Variants in ARR3 observed in about 807,000 individuals in gnomAD.
ARR3 encodes the protein arrestin 3.
A neutral mutation model predicts 35.4 loss-of-function variants in ARR3; 14 were observed. That is an observed-to-expected ratio of 0.40 (90% CI 0.26 to 0.62). The LOEUF (loss-of-function observed/expected upper bound fraction) is 0.62. ARR3 is among the 20% of genes least tolerant of loss of function. The pLI is 0.46. For missense variants in ARR3, 259 were observed against 303.8 expected (o/e 0.85, Z 1.10); for synonymous variants, 97 against 119.1 (o/e 0.81, Z 1.21).
rs1555941129 is a variant in ARR3, at chrX:70,276,234, C to T, written c.298C>T (p.Arg100Ter). Reference protein sequence around the residue: ...PQGPLTVLQERLLHKLGDNAY... With the variant: ...PQGPLTVLQE Reference sequence around the variant, plus strand: ...GGGGCCCCTCACAGTCCTACAGGAGCGACTACTGCACAAGCTAGGGGACAA... The same window carrying T: ...GGGGCCCCTCACAGTCCTACAGGAGTGACTACTGCACAAGCTAGGGGACAA... The change falls in exon 6 of 17, where the codon CGA becomes TGA. Residue 100 changes from arginine to a stop codon, truncating the protein, a stop_gained. Transcript: ENST00000307959. LOFTEE classifies it high-confidence loss of function. 7 of 1,211,734 alleles carry T rather than the reference C, an allele frequency of 5.8e-6. No homozygotes were observed. The highest frequency in any genetic ancestry group is 7.8e-6 in the Non-Finnish European group (7 of 895,499).
Position 70,278,139 on chromosome X carries a change from G to A in ARR3, c.767+1G>A. 5 of 1,207,737 alleles carry A rather than the reference G, an allele frequency of 4.1e-6. No individual in the cohort carries two copies. The highest frequency in any genetic ancestry group is 4.5e-6 in the Non-Finnish European group (4 of 893,196). On this transcript the variant is annotated splice_donor_variant, in intron 11 of 16. Coordinates refer to ENST00000307959, the MANE Select transcript of ARR3 (RefSeq NM_004312.3). LOFTEE classifies it high-confidence loss of function. ...AGACTGTGTTCATTCAGGAATTCAC[G>A]TGAGCTGGTGCTGGGGCTAGGACCA...
At chrX:70,276,814 GC>G in intron 8 of ARR3, 78 bp downstream of exon 8, 1 of 944,151 alleles carries the variant, frequency 1.1e-6, no homozygotes, top group African/African-American at 1.9e-5. Flanking sequence ...GACAGAAATA[GC>G]CCCACTTCTA....
intron 11 of ARR3, 64 bp from the exon 12 acceptor site, chrX:70,278,440 G>C: frequency 8.8e-7 from 1 of 1,138,776 alleles, no homozygotes; most frequent in Non-Finnish European, 1.2e-6. Context: ...AGATACTCTT[G>C]GGAGTAAAAG....
intron 5 of ARR3, among the ~76,000 whole-genome samples, chrX:70,274,199 CT>C (rs200481457): frequency 0.11 from 10,222 of 90,622 alleles, 626 homozygotes; most frequent in Non-Finnish European, 0.16. Flanking sequence ...TGTTCAGTAG[CT>C]TTTTTTTTTT....
At chrX:70,269,423 G>C in intron 2 of ARR3, 30 bp downstream of exon 2, 4 of 1,157,030 alleles carry the variant, frequency 3.5e-6, no homozygotes, top group Non-Finnish European at 4.7e-6. Flanking sequence ...CTCTGAACCT[G>C]TGAATTGCTC....
intron 13 of ARR3, 68 bp from the exon 14 acceptor site, chrX:70,280,491 C>T: frequency 9.0e-7 from 1 of 1,115,634 alleles, no homozygotes; most frequent in Non-Finnish European, 1.2e-6. Context: ...ATCCCTCATC[C>T]CCTTGTGAAA....
chrX:70,281,104 G>C lies in ARR3; in HGVS notation c.1072G>C (p.Ala358Pro). ...CGTCTCCATGCTTGCTACAGAGGCC[G>C]CTAGGTAATGGAATACAAGATTGGG... ...LIHPKPSHEAASSEDIVIEEF... is the reference protein window; with the variant it reads ...LIHPKPSHEAPSSEDIVIEEF... The change falls in exon 16 of 17, where the codon GCT becomes CCT. Residue 358 changes from alanine to proline, a missense_variant. Physicochemically the swap from Ala to Pro is conservative, Grantham distance 27 (BLOSUM62 -1). Transcript: ENST00000307959. 1 of 1,209,250 alleles carries C rather than the reference G, an allele frequency of 8.3e-7. No homozygotes were observed.
chrX:70,274,466 G>T (rs183454768), intron 5 of ARR3, among the ~76,000 whole-genome samples: 68 of 112,307 alleles, frequency 6.1e-4, no homozygotes, highest in African/African-American at 1.8e-3. Context: ...CTCCCAAAGA[G>T]CTGGGATTAC....
intron 6 of ARR3, 54 bp from the exon 7 acceptor site, chrX:70,276,379 G>A (rs1380568223): frequency 6.5e-5 from 77 of 1,188,609 alleles, no homozygotes; most frequent in Middle Eastern, 2.4e-4. Flanking sequence ...CATTTCTTTT[G>A]TATTTGTTTG....
At chrX:70,273,261 G>A (rs932167940) in intron 5 of ARR3, among the ~76,000 whole-genome samples, 4 of 78,170 alleles carry the variant, frequency 5.1e-5, no homozygotes, top group African/African-American at 1.0e-4. Context: ...TTGCTCTGTC[G>A]CCCAGGCTGG....
intron 16 of ARR3, 139 bp downstream of exon 16, chrX:70,281,247 G>C (rs1489165196): frequency 1.3e-5 from 10 of 771,203 alleles, no homozygotes; most frequent in Non-Finnish European, 1.9e-5. Flanking sequence ...TTAGCTTCGT[G>C]TCACAGTTCG....
In ARR3 at chrX:70,276,727, T is replaced by C; in HGVS notation, c.464T>C (p.Val155Ala). 1 of 1,209,753 alleles carries C rather than the reference T, an allele frequency of 8.3e-7. No individual in the cohort carries two copies. The highest frequency in any genetic ancestry group is 1.1e-6 in the Non-Finnish European group (1 of 894,044). ...SFCAENPEET[V>A]SKRDYVRLVV... ...TGTGCTGAAAACCCAGAGGAGACAGTCTCCAAGAGGTATTCTTTGGTTGTC... is the reference window on the plus strand; with the variant it reads ...TGTGCTGAAAACCCAGAGGAGACAGCCTCCAAGAGGTATTCTTTGGTTGTC... Residue 155 changes from valine to alanine, a missense_variant, in exon 8 of 17, where the codon GTC (valine) becomes GCC (alanine). By Grantham distance (64) the Val-to-Ala change is moderately conservative. Transcript: ENST00000307959.
At chrX:70,276,565 A>G in intron 7 of ARR3, 73 bp downstream of exon 7, 1 of 1,170,602 alleles carries the variant, frequency 8.5e-7, no homozygotes, top group South Asian at 1.8e-5. Flanking sequence ...TCAAGACTGG[A>G]GAAATGGACA....
In ARR3 at chrX:70,276,150, C is replaced by A; in HGVS notation, c.214C>A (p.Arg72=). ...DDLEVIGLTF[R]KDLYVQTLQV... is the part of the protein sequence containing the mutation. ...CTTGGAAGTGATTGGTCTGACGTTC[C>A]GAAAAGATCTGTATGTGCAGACCCT... is the stretch of plus-strand genomic sequence containing the variant. The change falls in exon 6 of 17, where the codon CGA becomes AGA. Residue 72 remains arginine, a synonymous_variant. Transcript: ENST00000307959. The A allele has an allele frequency of 8.3e-7, 1 of 1,211,608 alleles. No individual in the cohort carries two copies. Among genetic ancestry groups the A allele is most frequent in the East Asian group, 3.0e-5 (1 of 33,804 alleles).
In ARR3 at chrX:70,281,715, CGAG is replaced by C. The variant is rs779117768; in HGVS notation, c.1123_1125del (p.Glu375del). ...TCATCGAGGAGTTTACGCGGAAAGG[CGAG>C]GAGGAGAGCCAGAAGGCTGTGGAGG... On this transcript the variant is annotated inframe_deletion, in exon 17 of 17. Coordinates refer to ENST00000307959, the MANE Select transcript of ARR3 (RefSeq NM_004312.3). 4.2e-6 allele frequency: 5 copies of C among 1,185,779 alleles called. No homozygotes were observed. Among genetic ancestry groups the C allele is most frequent in the African/African-American group, 3.5e-5 (2 of 56,494 alleles).
chrX:70,269,569 A>G (rs1275024929), intron 2 of ARR3, 93 bp from the exon 3 acceptor site: 2 of 1,080,537 alleles, frequency 1.9e-6, no homozygotes, highest in East Asian at 6.4e-5. Context: ...TCCTAATCCT[A>G]AGAATATTTC....
chrX:70,276,505 T>A lies in ARR3; in HGVS notation c.405+13T>A, dbSNP rs762230218. ...AGATGCAGGAAAGGTGAGGACTGGG[T>A]TCTAAGAAAGAGGGATAGGTAGTGC... On this transcript the variant is annotated intron_variant, in intron 7 of 16. Transcript: ENST00000307959. The A allele has an allele frequency of 5.8e-6, 7 of 1,208,634 alleles. No individual in the cohort carries two copies. In the South Asian group the frequency reaches 8.8e-5, roughly 15 times the overall value.
intron 15 of ARR3, 89 bp from the exon 16 acceptor site, chrX:70,281,010 G>GGC: frequency 1.1e-6 from 1 of 946,220 alleles, no homozygotes; most frequent in African/African-American, 2.1e-5. Context: ...GTTGGGGGGG[G>GGC]GGGAAGTAAA....
rs758737598 is a variant in ARR3, at chrX:70,281,714, G to A, written c.1115G>A (p.Gly372Asp). The A allele has an allele frequency of 1.7e-6, 2 of 1,188,032 alleles. No homozygotes were observed. ...GTCATCGAGGAGTTTACGCGGAAAG[G>A]CGAGGAGGAGAGCCAGAAGGCTGTG... ...DIVIEEFTRK[G>D]EEESQKAVEA... is the part of the protein sequence containing the mutation. The change falls in exon 17 of 17, where the codon GGC becomes GAC. Residue 372 changes from glycine to aspartate, a missense_variant. Coordinates refer to ENST00000307959, the MANE Select transcript of ARR3 (RefSeq NM_004312.3).
Sources: allele counts gnomAD v4.1 joint callset (sites outside exome capture counted in the v4.1 genomes callset), GRCh38; gene constraint gnomAD v4.1.1; transcripts MANE v1.5; gene names NCBI Gene and HGNC (gene_info 2026-07-23, HGNC 2026-07-21).